PPP4R4: variants seen among roughly 807,000 people sequenced by gnomAD.
The protein encoded by PPP4R4 is serine/threonine-protein phosphatase 4 regulatory subunit 4.
PPP4R4 carries 70 observed loss-of-function variants against 121.8 expected under a neutral mutation model. The ratio of observed to expected loss-of-function variants is 0.57; its 90% CI spans 0.47 to 0.70. The LOEUF (loss-of-function observed/expected upper bound fraction) is 0.70, where lower values mean the gene tolerates loss of function less well. PPP4R4 is among the 30% of genes least tolerant of loss of function. The pLI, the probability that PPP4R4 is intolerant of heterozygous loss-of-function variation, is 0.00. For synonymous variants in PPP4R4, 348 were observed against 355.7 expected (o/e 0.98, Z 0.24); for missense variants, 875 against 1,033.6 (o/e 0.85, Z 2.10).
chr14:94,264,495 A>G (rs1013186983), intron 19 of PPP4R4, among the ~76,000 whole-genome samples: 1 of 152,166 alleles, frequency 6.6e-6, no homozygotes, highest in Admixed American at 6.5e-5. Context: ...AAAAATATCC[A>G]AGACCATTTT....
intron 3 of PPP4R4, among the ~76,000 whole-genome samples, chr14:94,223,322 T>C (rs1891516924): frequency 6.6e-6 from 1 of 152,234 alleles, no homozygotes; most frequent in Non-Finnish European, 1.5e-5. Context: ...ATCTTTCTCA[T>C]GGAAGGAATA....
intron 2 of PPP4R4, among the ~76,000 whole-genome samples, chr14:94,197,624 A>T (rs1045616210): frequency 6.6e-6 from 1 of 152,186 alleles, no homozygotes; most frequent in African/African-American, 2.4e-5. Flanking sequence ...GACTTTTCAC[A>T]TATGTGTATT....
chr14:94,262,249 G>T (rs1893825567), intron 19 of PPP4R4, among the ~76,000 whole-genome samples: 1 of 151,576 alleles, frequency 6.6e-6, no homozygotes, highest in Non-Finnish European at 1.5e-5. Flanking sequence ...TAGATCTTCT[G>T]TTTCTTCTGT....
At chr14:94,242,266 C>T (rs749663945) in intron 10 of PPP4R4, 23 bp from the exon 11 acceptor site, 1 of 1,608,398 alleles carries the variant, frequency 6.2e-7, no homozygotes, top group East Asian at 2.2e-5. Flanking sequence ...TCCCACTCAT[C>T]TCCTCCCTTC....
chr14:94,174,661 C>A, intron 1 of PPP4R4, 79 bp downstream of exon 1: 1 of 1,546,578 alleles, frequency 6.5e-7, no homozygotes, highest in African/African-American at 1.4e-5. Context: ...CTCTGCCCCA[C>A]GCCACCACCC....
chr14:94,237,723 G>A (rs1260694236), intron 8 of PPP4R4, 37 bp downstream of exon 8: 4 of 1,594,404 alleles, frequency 2.5e-6, no homozygotes, highest in Non-Finnish European at 3.4e-6. Context: ...TCTGAAAACA[G>A]TGTTTTTCTA....
rs1292883640 is a variant in PPP4R4, at chr14:94,233,760, G to A, written c.623+1G>A. On this transcript the variant is annotated splice_donor_variant, in intron 6 of 24. Transcript: ENST00000304338. LOFTEE classifies it high-confidence loss of function. ...TGACCAACAAATTTGATGCCCACAC[G>A]TGAGTATTTGTATGTAATTTTCGGT... 4 of 1,523,200 alleles carry A rather than the reference G, an allele frequency of 2.6e-6. No homozygotes were observed. Among genetic ancestry groups the A allele is most frequent in the South Asian group, 2.3e-5 (2 of 86,940 alleles). The allele number at this position is 1,523,200 out of a possible 1,614,324, so 94.4% of individuals were successfully genotyped here.
At chr14:94,272,670 A>G (rs1223748854) in intron 23 of PPP4R4, among the ~76,000 whole-genome samples, 1 of 152,178 alleles carries the variant, frequency 6.6e-6, no homozygotes, top group African/African-American at 2.4e-5. Context: ...TAAAATTAAA[A>G]CTACTATTTG....
intron 2 of PPP4R4, among the ~76,000 whole-genome samples, chr14:94,205,876 T>C (rs2139443157): frequency 6.6e-6 from 1 of 152,134 alleles, no homozygotes; most frequent in Non-Finnish European, 1.5e-5. Context: ...TTTTCAAAAA[T>C]TTGTTGAGGT....
At chr14:94,218,680 C>T (rs1436095982) in intron 3 of PPP4R4, among the ~76,000 whole-genome samples, 1 of 119,912 alleles carries the variant, frequency 8.3e-6, no homozygotes, top group Non-Finnish European at 1.7e-5. Flanking sequence ...ACACACTCAC[C>T]CCTAGACACT....
intron 2 of PPP4R4, among the ~76,000 whole-genome samples, chr14:94,176,555 G>A: frequency 6.6e-6 from 1 of 152,164 alleles, no homozygotes; most frequent in East Asian, 1.9e-4. Context: ...TGCTGTTCAG[G>A]ATATCCTGTT....
Position 94,234,544 on chromosome 14 carries a change from T to G in PPP4R4, c.624-18T>G. 1 of 1,472,520 alleles carries G rather than the reference T, an allele frequency of 6.8e-7. No individual in the cohort carries two copies. The highest frequency in any genetic ancestry group is 9.5e-7 in the Non-Finnish European group (1 of 1,056,660). 91.2% of individuals were successfully genotyped at this position (1,472,520 alleles called of 1,614,324 possible). A position where few individuals can be genotyped will look rare whatever the true frequency, so the allele number is the denominator to read the frequency against. ...AAACACTCATTCATTTGCATGTTTC[T>G]TTTCTCCCCACCTTCAGCATTAAGC... On this transcript the variant is annotated intron_variant, in intron 6 of 24. Transcript: ENST00000304338.
chr14:94,211,344 C>G (rs1004775709), intron 3 of PPP4R4, among the ~76,000 whole-genome samples: 21 of 152,090 alleles, frequency 1.4e-4, no homozygotes, highest in African/African-American at 4.8e-4. Flanking sequence ...AATATAGTAA[C>G]GAGGGCACCT....
At chr14:94,232,916 G>A (rs1892124510) in intron 5 of PPP4R4, among the ~76,000 whole-genome samples, 1 of 152,124 alleles carries the variant, frequency 6.6e-6, no homozygotes, top group Non-Finnish European at 1.5e-5. Flanking sequence ...AAATTAGCTG[G>A]GCGTGGTGGC....
chr14:94,222,264 T>C (rs1366653408), intron 3 of PPP4R4, among the ~76,000 whole-genome samples: 1 of 151,984 alleles, frequency 6.6e-6, no homozygotes, highest in Non-Finnish European at 1.5e-5. Flanking sequence ...ATTAAGTAGT[T>C]TTATTATTTC....
intron 23 of PPP4R4, 135 bp from the exon 24 acceptor site, chr14:94,275,239 G>A (rs1465571210): frequency 1.0e-6 from 1 of 984,580 alleles, no homozygotes; most frequent in Non-Finnish European, 1.5e-6. Flanking sequence ...TTTGCAGTTT[G>A]TTGTATGTAA....
At chr14:94,205,131 T>C (rs35903671) in intron 2 of PPP4R4, among the ~76,000 whole-genome samples, 8,256 of 152,246 alleles carry the variant, frequency 0.054, 315 homozygotes, top group Non-Finnish European at 0.084. Context: ...TAGAATAGTG[T>C]TAATTTTTCA....
At chr14:94,216,770 G>A (rs1260965352) in intron 3 of PPP4R4, among the ~76,000 whole-genome samples, 1 of 152,182 alleles carries the variant, frequency 6.6e-6, no homozygotes, top group East Asian at 1.9e-4. Context: ...GATGAGTTTG[G>A]TAGGAGCAAA....
Position 94,231,302 on chromosome 14 carries a change from C to A in PPP4R4, c.503C>A (p.Thr168Asn). 1 of 1,610,002 alleles carries A rather than the reference C, an allele frequency of 6.2e-7. No individual in the cohort carries two copies. Among genetic ancestry groups the A allele is most frequent in the Non-Finnish European group, 8.5e-7 (1 of 1,176,674 alleles). The change falls in exon 5 of 25, where the codon ACC (threonine) becomes AAC (asparagine). Residue 168 changes from threonine (T) to asparagine (N), a missense_variant. Transcript: ENST00000304338. Reference protein sequence around the residue: ...LSVIEVLPKETLRHEILNPLV... With the variant: ...LSVIEVLPKENLRHEILNPLV... ...GTTATAGAAGTATTGCCAAAAGAAA[C>A]CCTACGGCATGAGGTAATACTTTCA...
Sources: allele counts gnomAD v4.1 joint callset (sites outside exome capture counted in the v4.1 genomes callset), GRCh38; gene constraint gnomAD v4.1.1; transcripts MANE v1.5; gene names NCBI Gene and HGNC (gene_info 2026-07-23, HGNC 2026-07-21).